The following NELL2 variants were observed in gnomAD, a reference collection of about 807,000 sequenced individuals.
NELL2 encodes neural EGFL like 2.
Under a neutral mutation model 109.6 loss-of-function variants are expected in NELL2, and 41 were observed. The ratio of observed to expected loss-of-function variants is 0.37; its 90% CI spans 0.29 to 0.49. The LOEUF is 0.49. Ranked by LOEUF, NELL2 falls within the 20% of genes least tolerant of loss-of-function variation. The pLI is 0.98. For synonymous variants in NELL2, 355 were observed against 344.7 expected, an observed-to-expected ratio of 1.03 and a Z score of -0.33; for missense variants, 900 against 1,008.3, an observed-to-expected ratio of 0.89 and a Z score of 1.45.
chr12:44,879,787 T>C (rs1282458663), upstream of NELL2, among the ~76,000 whole-genome samples: 1 of 151,968 alleles, frequency 6.6e-6, no homozygotes, highest in Non-Finnish European at 1.5e-5. Flanking sequence ...CTTTAAAACT[T>C]TGCATGTTGG....
intron 13 of NELL2, among the ~76,000 whole-genome samples, chr12:44,644,631 C>CATACATATATCAAACATACAT (rs1555190928): frequency 2.0e-5 from 2 of 100,948 alleles, no homozygotes; most frequent in African/African-American, 7.6e-5. Flanking sequence ...TATATACATA[C>CATACATATATCAAACATACAT]ATATATATAT....
At chr12:44,706,986 G>A (rs1937919008) in intron 11 of NELL2, among the ~76,000 whole-genome samples, 1 of 152,074 alleles carries the variant, frequency 6.6e-6, no homozygotes, top group Non-Finnish European at 1.5e-5. Context: ...TGTGTAAGTA[G>A]GAACAGTATA....
chr12:44,827,397 GTCT>G (rs1158777744), intron 2 of NELL2, among the ~76,000 whole-genome samples: 1 of 141,716 alleles, frequency 7.1e-6, no homozygotes, highest in Non-Finnish European at 1.5e-5. Context: ...AGGTCTTCTG[GTCT>G]TCTTCTAACT....
chr12:44,513,076 G>A (rs568667457), intron 19 of NELL2, among the ~76,000 whole-genome samples: 2 of 151,878 alleles, frequency 1.3e-5, no homozygotes, highest in South Asian at 2.1e-4. Context: ...CCATAAATAT[G>A]TGCAACCACT....
intron 9 of NELL2, among the ~76,000 whole-genome samples, chr12:44,723,502 C>T (rs1213135575): frequency 6.6e-6 from 1 of 152,134 alleles, no homozygotes; most frequent in Non-Finnish European, 1.5e-5. Context: ...ATTTTAAACA[C>T]ACAAATTCAC....
intron 9 of NELL2, among the ~76,000 whole-genome samples, chr12:44,728,510 C>T (rs1939201179): frequency 6.6e-6 from 1 of 152,008 alleles, no homozygotes; most frequent in African/African-American, 2.4e-5. Flanking sequence ...AGTGAACCAA[C>T]TTATGCATTT....
At chr12:44,736,899 A>G (rs891041472) in intron 9 of NELL2, among the ~76,000 whole-genome samples, 2 of 152,206 alleles carry the variant, frequency 1.3e-5, no homozygotes, top group East Asian at 3.9e-4. Flanking sequence ...TATTAAAAAT[A>G]ATAGAAAATT....
chr12:44,892,458 A>T (rs2136870594), intron 1 of NELL2, among the ~76,000 whole-genome samples: 1 of 152,276 alleles, frequency 6.6e-6, no homozygotes, highest in South Asian at 2.1e-4. Flanking sequence ...CAATCATCAA[A>T]AATAGCCCTA....
intron 9 of NELL2, among the ~76,000 whole-genome samples, chr12:44,744,077 G>T (rs967295214): frequency 2.3e-4 from 35 of 152,170 alleles, no homozygotes; most frequent in African/African-American, 8.2e-4. Flanking sequence ...AAATGTAAAG[G>T]AATAGAAATT....
At position 44,520,000 on chromosome 12, in the gene NELL2, T is replaced by C; in HGVS notation, c.2400+5A>G. The C allele has an allele frequency of 6.2e-7, 1 of 1,613,324 alleles. No individual in the cohort carries two copies. The highest frequency in any genetic ancestry group is 8.5e-7 in the Non-Finnish European group (1 of 1,179,416). Reference sequence around the variant, plus strand: ...TGCTCACTATTTAAATTTAATGGAGTTTACCTTGCACTGGCAGAGAGTACA... The same window carrying C: ...TGCTCACTATTTAAATTTAATGGAGCTTACCTTGCACTGGCAGAGAGTACA... On this transcript the variant is annotated splice_donor_5th_base_variant and intron_variant, in intron 19 of 19. Transcript: ENST00000429094.
intron 15 of NELL2, among the ~76,000 whole-genome samples, chr12:44,596,330 A>G (rs1170018506): frequency 6.6e-6 from 1 of 152,220 alleles, no homozygotes; most frequent in Non-Finnish European, 1.5e-5. Context: ...ATATCAGAAC[A>G]GAAAGAGCGT....
At chr12:44,821,135 A>G (rs1209642378) in intron 2 of NELL2, among the ~76,000 whole-genome samples, 1 of 152,190 alleles carries the variant, frequency 6.6e-6, no homozygotes, top group Non-Finnish European at 1.5e-5. Flanking sequence ...AAATTTTATA[A>G]TAATATATTT....
intron 3 of NELL2, among the ~76,000 whole-genome samples, chr12:44,792,674 G>T (rs1364716624): frequency 6.6e-6 from 1 of 152,046 alleles, no homozygotes; most frequent in Non-Finnish European, 1.5e-5. Flanking sequence ...TTTTCTTATT[G>T]ACGTATAGAT....
At chr12:44,615,925 CCAAA>C (rs1200672701) in intron 13 of NELL2, among the ~76,000 whole-genome samples, 1 of 152,124 alleles carries the variant, frequency 6.6e-6, no homozygotes, top group Non-Finnish European at 1.5e-5. Flanking sequence ...CAAATCCCTG[CCAAA>C]CAAAGTAACC....
intron 15 of NELL2, among the ~76,000 whole-genome samples, chr12:44,567,392 T>A (rs983122799): frequency 6.6e-6 from 1 of 152,200 alleles, no homozygotes; most frequent in Non-Finnish European, 1.5e-5. Flanking sequence ...TAGTTTAGGA[T>A]CAGACTCTGA....
At position 44,644,577 on chromosome 12, in the gene NELL2, A is replaced by ATAT. The variant is rs1376840602; in HGVS notation, c.1444+20906_1444+20907insATA. ...GAAGACATCCTATACCAGACAAAGT[A>ATAT]AAGTATATATATATATATATATATA... is the stretch of plus-strand genomic sequence containing the variant. On this transcript the variant is annotated intron_variant, in intron 13 of 19. Coordinates refer to ENST00000429094, the MANE Select transcript of NELL2 (RefSeq NM_001145108.2). Among the ~76,000 whole-genome samples the ATAT allele has an allele frequency of 8.3e-3, 763 of 92,100 alleles. 4 individuals are homozygous for ATAT. The highest frequency in any genetic ancestry group is 0.014 in the Middle Eastern group (2 of 140). The allele number at this position is 92,100 out of a possible 152,430, so 60.4% of individuals were successfully genotyped here.
intron 1 of NELL2, among the ~76,000 whole-genome samples, chr12:44,902,885 C>T (rs1364812258): frequency 6.6e-6 from 1 of 152,086 alleles, no homozygotes; most frequent in Non-Finnish European, 1.5e-5. Flanking sequence ...TTCCTTATAC[C>T]TTATACAAAA....
chr12:44,644,588 ATATATATATATATATGTATG>A (rs1566077070), intron 13 of NELL2, among the ~76,000 whole-genome samples: 4 of 98,408 alleles, frequency 4.1e-5, no homozygotes, highest in African/African-American at 9.5e-5. Context: ...AAGTATATAT[ATATATATATATATATGTATG>A]TATATATATA....
chr12:44,721,838 G>GT (rs1164667716), intron 9 of NELL2, among the ~76,000 whole-genome samples: 2 of 152,060 alleles, frequency 1.3e-5, no homozygotes, highest in African/African-American at 2.4e-5. Context: ...AACAAAAGAG[G>GT]TAACTATTGA....
Sources: gnomAD v4.1 joint callset for allele counts (sites outside exome capture counted in the v4.1 genomes callset) on GRCh38, gnomAD v4.1.1 for gene constraint, MANE v1.5 for transcripts, NCBI Gene and HGNC (gene_info 2026-07-23, HGNC 2026-07-21) for gene names.